TRABD2B: variants seen among roughly 807,000 people sequenced by gnomAD.
The protein encoded by TRABD2B is TraB domain containing 2B.
TRABD2B carries 14 observed loss-of-function variants against 40.1 expected under a neutral mutation model. The ratio of observed to expected loss-of-function variants is 0.35; its 90% CI spans 0.23 to 0.55. The LOEUF is 0.55. TRABD2B is among the 20% of genes least tolerant of loss of function. The pLI is 0.90. For missense variants in TRABD2B, 541 were observed against 648.6 expected (o/e 0.83, Z 1.80); for synonymous variants, 263 against 277.0 (o/e 0.95, Z 0.50).
At chr1:47,812,651 C>G (rs751079814) in intron 2 of TRABD2B, among the ~76,000 whole-genome samples, 5 of 152,136 alleles carry the variant, frequency 3.3e-5, no homozygotes, top group African/African-American at 1.2e-4. Flanking sequence ...GCCAGGAGTT[C>G]AAGGCTGCAG....
At chr1:47,834,086 CT>C (rs1294784522) in intron 2 of TRABD2B, among the ~76,000 whole-genome samples, 1 of 152,224 alleles carries the variant, frequency 6.6e-6, no homozygotes, top group Non-Finnish European at 1.5e-5. Flanking sequence ...GTTGGAGCTC[CT>C]TCAAAATCCC....
chr1:47,859,463 T>G (rs993511029), intron 2 of TRABD2B, among the ~76,000 whole-genome samples: 11 of 152,228 alleles, frequency 7.2e-5, no homozygotes, highest in Middle Eastern at 3.2e-3. Flanking sequence ...AACAACTGTG[T>G]GTGAGGATAG....
chr1:47,828,356 T>C (rs956352117), intron 2 of TRABD2B, among the ~76,000 whole-genome samples: 1 of 152,104 alleles, frequency 6.6e-6, no homozygotes, highest in Non-Finnish European at 1.5e-5. Flanking sequence ...CGTCCCCCTA[T>C]GTGGGTGAGG....
intron 2 of TRABD2B, among the ~76,000 whole-genome samples, chr1:47,829,296 G>T (rs1279915581): frequency 2.6e-5 from 4 of 152,036 alleles, no homozygotes; most frequent in Non-Finnish European, 4.4e-5. Context: ...TTCCTGGAGG[G>T]GCTTCACTTA....
chr1:47,789,424 T>C (rs762840068), intron 4 of TRABD2B, among the ~76,000 whole-genome samples: 3 of 152,180 alleles, frequency 2.0e-5, no homozygotes, highest in Non-Finnish European at 4.4e-5. Flanking sequence ...TAAGGGCCTC[T>C]TCTCTGCTGG....
At chr1:47,766,303 C>G (rs1260272864) in intron 6 of TRABD2B, among the ~76,000 whole-genome samples, 197 bp from the exon 7 acceptor site, 1 of 152,156 alleles carries the variant, frequency 6.6e-6, no homozygotes, top group African/African-American at 2.4e-5. Flanking sequence ...CACACGGACC[C>G]CCTTTGCCGG....
intron 2 of TRABD2B, among the ~76,000 whole-genome samples, chr1:47,942,389 A>T (rs1570335422): frequency 4.8e-5 from 2 of 41,328 alleles, no homozygotes; most frequent in South Asian, 1.3e-3. Context: ...GGGGACGATC[A>T]GGGGAGGCAG....
intron 2 of TRABD2B, among the ~76,000 whole-genome samples, chr1:47,852,134 A>G (rs2105253): frequency 0.32 from 48,623 of 152,078 alleles, 8,100 homozygotes; most frequent in Non-Finnish European, 0.37. Flanking sequence ...AACACCCACC[A>G]GCCACCGCCA....
rs552645018 is a variant in TRABD2B at position 47,874,493 on chromosome 1, C to T, written c.667-72874G>A. Among the ~76,000 whole-genome samples, 784 of 148,876 alleles carry T rather than the reference C, an allele frequency of 5.3e-3. 8 individuals are homozygous for T. Among genetic ancestry groups the T allele is most frequent in the African/African-American group, 0.019 (750 of 40,466 alleles). On this transcript the variant is annotated intron_variant, in intron 2 of 6. Transcript: ENST00000606738. ...TTCACCTTGTTAGCCAGGATGGTCT[C>T]GATCTCCTGACCTCATGATCCACCC...
At chr1:47,807,001 C>T (rs1055511063) in intron 2 of TRABD2B, among the ~76,000 whole-genome samples, 4 of 152,234 alleles carry the variant, frequency 2.6e-5, no homozygotes, top group African/African-American at 9.6e-5. Context: ...GAGCACCAGG[C>T]ATTGTTCTAG....
Position 47,850,873 on chromosome 1 carries a change from A to C in TRABD2B, c.667-49254T>G, listed in dbSNP as rs1000257155. ...GGGGTTGGGAGATGGTTTAGGGATT[A>C]AATTGTTCCACTTCAGATCATCAGA... On this transcript the variant is annotated intron_variant, in intron 2 of 6. Transcript: ENST00000606738. Among the ~76,000 whole-genome samples the C allele has an allele frequency of 2.0e-5, 3 of 152,342 alleles. No individual in the cohort carries two copies. In the East Asian group the frequency reaches 5.8e-4, roughly 29 times the overall value.
intron 2 of TRABD2B, among the ~76,000 whole-genome samples, chr1:47,838,525 T>C (rs1645349453): frequency 6.6e-6 from 1 of 152,226 alleles, no homozygotes; most frequent in Admixed American, 6.5e-5. Context: ...TTAACTTCTC[T>C]GAATCTTCTG....
chr1:47,979,957 A>C (rs1400732560), intron 2 of TRABD2B, among the ~76,000 whole-genome samples: 3 of 152,132 alleles, frequency 2.0e-5, no homozygotes. Flanking sequence ...TTTAGCCAAC[A>C]AAGGAATGAG....
At chr1:47,935,173 C>T (rs1401221261) in intron 2 of TRABD2B, among the ~76,000 whole-genome samples, 1 of 152,192 alleles carries the variant, frequency 6.6e-6, no homozygotes, top group East Asian at 1.9e-4. Context: ...TTACTGAGGG[C>T]TTCCTCTTTG....
Position 47,885,882 on chromosome 1 carries a change from T to G in TRABD2B, c.667-84263A>C, listed in dbSNP as rs572020077. The stretch of plus-strand genomic sequence containing the variant: ...TGCTTGCTGATAAATGACAGTCTCA[T>G]GCTCCGTTACCAAATGCTGGTTGTA... On this transcript the variant is annotated intron_variant, in intron 2 of 6. Transcript: ENST00000606738. 5.3e-5 allele frequency among the ~76,000 whole-genome samples: 8 copies of G among 152,352 alleles called. No individual in the cohort carries two copies. In the South Asian group the frequency reaches 1.7e-3, roughly 32 times the overall value.
intron 2 of TRABD2B, among the ~76,000 whole-genome samples, chr1:47,836,821 A>C (rs944556871): frequency 6.6e-6 from 1 of 152,212 alleles, no homozygotes; most frequent in Non-Finnish European, 1.5e-5. Flanking sequence ...CACAGCTAGA[A>C]GACTGCCTTT....
rs748150920 is a variant in TRABD2B at position 47,994,598 on chromosome 1, C to CT, written c.103-2dup. On this transcript the variant is annotated splice_acceptor_variant, in intron 1 of 6. Coordinates refer to ENST00000606738, the MANE Select transcript of TRABD2B (RefSeq NM_001194986.2). LOFTEE classifies it high-confidence loss of function. This position sits in a 1 kb window ranked among gnomAD's most constrained non-coding sequence, Gnocchi z 6.7. ...ACAGGAAGGAGTTCAAGTCCCTCTGCTGCAGGAGTAGAGAAGAGGCAAGGC... is the reference window on the plus strand; with the variant it reads ...ACAGGAAGGAGTTCAAGTCCCTCTGCTTGCAGGAGTAGAGAAGAGGCAAGGC... 1 of 1,533,150 alleles carries CT rather than the reference C, an allele frequency of 6.5e-7. No homozygotes were observed. The highest frequency in any genetic ancestry group is 1.2e-5 in the South Asian group (1 of 83,720). The allele number at this position is 1,533,150 out of a possible 1,614,324, so 95.0% of individuals were successfully genotyped here.
chr1:47,899,928 A>G (rs2124676529), intron 2 of TRABD2B, among the ~76,000 whole-genome samples: 1 of 152,296 alleles, frequency 6.6e-6, no homozygotes, highest in Admixed American at 6.5e-5. Context: ...TGCACGACCC[A>G]TATCCAATGA....
chr1:47,994,679 G>C lies in TRABD2B; in HGVS notation c.103-82C>G, dbSNP rs1646065322. Reference sequence around the variant, plus strand: ...GGGTAGCCCAGAGGCACGTTGCAGAGGGAGGTGGGGATGGGAGGCAGAGAC... The same window carrying C: ...GGGTAGCCCAGAGGCACGTTGCAGACGGAGGTGGGGATGGGAGGCAGAGAC... On this transcript the variant is annotated intron_variant, in intron 1 of 6. Coordinates refer to ENST00000606738, the MANE Select transcript of TRABD2B (RefSeq NM_001194986.2). This position sits in a 1 kb window ranked among gnomAD's most constrained non-coding sequence, Gnocchi z 6.7. The C allele has an allele frequency of 7.8e-7, 1 of 1,286,880 alleles. No individual in the cohort carries two copies. The highest frequency in any genetic ancestry group is 1.1e-6 in the Non-Finnish European group (1 of 947,542). 79.7% of individuals were successfully genotyped at this position (1,286,880 alleles called of 1,614,324 possible).
Sources: gnomAD v4.1 joint callset for allele counts (sites outside exome capture counted in the v4.1 genomes callset) on GRCh38, gnomAD v4.1.1 for gene constraint, Gnocchi (gnomAD v3.1) non-coding constraint, MANE v1.5 for transcripts, NCBI Gene and HGNC (gene_info 2026-07-23, HGNC 2026-07-21) for gene names.